The following CREB5 variants were observed in gnomAD, a reference collection of about 807,000 sequenced individuals.
The protein encoded by CREB5 is cAMP responsive element binding protein 5, also known as cyclic AMP-responsive element-binding protein 5.
A neutral mutation model predicts 57.1 loss-of-function variants in CREB5; 19 were observed. The observed-to-expected ratio is 0.33, with a 90% CI of 0.23 to 0.49. The LOEUF (loss-of-function observed/expected upper bound fraction) is 0.49, where lower values mean the gene tolerates loss of function less well. Among genes scored for constraint, CREB5 ranks in the 20% least tolerant of loss-of-function variants. The pLI is 0.99. For missense variants in CREB5, 579 were observed against 671.6 expected (o/e 0.86, Z 1.52); for synonymous variants, 238 against 238.3 (o/e 1.00, Z 0.01).
At chr7:28,553,484 T>C (rs1794750108) in intron 4 of CREB5, among the ~76,000 whole-genome samples, 2 of 152,118 alleles carry the variant, frequency 1.3e-5, no homozygotes, top group Non-Finnish European at 2.9e-5. Flanking sequence ...CAGGTTCCTG[T>C]TTATATGCAC....
chr7:28,591,370 T>C (rs567105025), intron 5 of CREB5, among the ~76,000 whole-genome samples: 6 of 152,314 alleles, frequency 3.9e-5, no homozygotes, highest in Admixed American at 1.3e-4. Context: ...ACAGGTTCAA[T>C]TGATTTTTTT....
chr7:28,664,553 T>C (rs1799737694), intron 5 of CREB5, among the ~76,000 whole-genome samples: 1 of 152,208 alleles, frequency 6.6e-6, no homozygotes, highest in African/African-American at 2.4e-5. Context: ...TTTTCCATCA[T>C]AGTTCCTGTG....
intron 1 of CREB5, among the ~76,000 whole-genome samples, chr7:28,445,608 GT>G (rs1165322706): frequency 2.0e-5 from 3 of 151,688 alleles, no homozygotes; most frequent in South Asian, 2.1e-4. Flanking sequence ...CTGGAGTGCA[GT>G]GGCGCGATCT....
At chr7:28,325,580 T>G (rs943588996) in intron 1 of CREB5, among the ~76,000 whole-genome samples, 1 of 152,188 alleles carries the variant, frequency 6.6e-6, no homozygotes, top group African/African-American at 2.4e-5. Context: ...CTTGTCAACA[T>G]CTCCATCTAT....
chr7:28,346,461 G>T (rs538907705), intron 1 of CREB5, among the ~76,000 whole-genome samples: 9 of 152,266 alleles, frequency 5.9e-5, no homozygotes, highest in Non-Finnish European at 1.2e-4. Context: ...ACTTCCCAAA[G>T]GTCCTGCCTC....
chr7:28,800,325 C>T (rs1291019218), intron 7 of CREB5, among the ~76,000 whole-genome samples: 2 of 151,508 alleles, frequency 1.3e-5, no homozygotes, highest in Non-Finnish European at 3.0e-5. Flanking sequence ...ACGCGAAGGC[C>T]CCATGTCTGG....
chr7:28,653,052 A>G (rs550935764), intron 5 of CREB5, among the ~76,000 whole-genome samples: 60 of 152,334 alleles, frequency 3.9e-4, no homozygotes, highest in African/African-American at 1.3e-3. Context: ...AAATTAGGAA[A>G]GTGAGTAACA....
chr7:28,736,582 T>A (rs1421757197), intron 7 of CREB5, among the ~76,000 whole-genome samples: 1 of 152,300 alleles, frequency 6.6e-6, no homozygotes, highest in East Asian at 1.9e-4. Flanking sequence ...CAGGGGACAG[T>A]GCCCAGGATC....
intron 1 of CREB5, among the ~76,000 whole-genome samples, chr7:28,470,244 G>A (rs766657491): frequency 1.2e-4 from 19 of 152,138 alleles, no homozygotes; most frequent in African/African-American, 3.4e-4. Flanking sequence ...CCAGCCTCTG[G>A]TAACCATCCT....
chr7:28,656,413 G>C (rs531150152), intron 5 of CREB5, among the ~76,000 whole-genome samples: 4 of 152,090 alleles, frequency 2.6e-5, no homozygotes, highest in South Asian at 4.2e-4. Flanking sequence ...TAATATCATG[G>C]AGTACAACAT....
chr7:28,367,366 A>G (rs921536862), intron 1 of CREB5, among the ~76,000 whole-genome samples: 1 of 152,212 alleles, frequency 6.6e-6, no homozygotes, highest in Non-Finnish European at 1.5e-5. Context: ...CTCCGGCACC[A>G]CATCCAACCA....
At chr7:28,758,774 A>G (rs972774463) in intron 7 of CREB5, among the ~76,000 whole-genome samples, 1 of 152,222 alleles carries the variant, frequency 6.6e-6, no homozygotes, top group African/African-American at 2.4e-5. Context: ...GTCGAGCACA[A>G]AGTCCCATGA....
intron 4 of CREB5, among the ~76,000 whole-genome samples, chr7:28,543,335 T>C (rs1318817867): frequency 6.6e-6 from 1 of 152,242 alleles, no homozygotes; most frequent in Non-Finnish European, 1.5e-5. Flanking sequence ...AATGTATTCA[T>C]ATACTAAAAC....
intron 1 of CREB5, among the ~76,000 whole-genome samples, chr7:28,469,837 CAA>C (rs1790736302): frequency 1.3e-5 from 2 of 152,082 alleles, no homozygotes; most frequent in Non-Finnish European, 2.9e-5. Flanking sequence ...GTGATTTATC[CAA>C]AGTCACACAG....
chr7:28,736,005 T>C (rs1163541197), intron 7 of CREB5, among the ~76,000 whole-genome samples: 1 of 151,804 alleles, frequency 6.6e-6, no homozygotes, highest in African/African-American at 2.4e-5. Context: ...GGTCTCGCGA[T>C]GTTGACCAGT....
At chr7:28,376,105 T>C (rs1054418918) in intron 1 of CREB5, among the ~76,000 whole-genome samples, 1 of 152,176 alleles carries the variant, frequency 6.6e-6, no homozygotes, top group South Asian at 2.1e-4. Context: ...ACTGATTGTT[T>C]ATTCAATTTT....
chr7:28,793,480 G>A (rs910469326), intron 7 of CREB5, among the ~76,000 whole-genome samples: 4 of 152,230 alleles, frequency 2.6e-5, no homozygotes, highest in Admixed American at 6.5e-5. Flanking sequence ...CTGGAGGGAA[G>A]CCAGATGACA....
chr7:28,650,352 C>A (rs1246007970), intron 5 of CREB5, among the ~76,000 whole-genome samples: 5 of 152,076 alleles, frequency 3.3e-5, no homozygotes, highest in Admixed American at 2.0e-4. Flanking sequence ...CCCAGCTGAT[C>A]TGCTTGGTTT....
chr7:28,445,719 T>C (rs546938164), intron 1 of CREB5, among the ~76,000 whole-genome samples: 1 of 151,912 alleles, frequency 6.6e-6, no homozygotes, highest in East Asian at 1.9e-4. Flanking sequence ...GCCTGGCTAA[T>C]TTTTTGTATT....
Sources: gnomAD v4.1 joint callset for allele counts (sites outside exome capture counted in the v4.1 genomes callset) on GRCh38, gnomAD v4.1.1 for gene constraint, MANE v1.5 for transcripts, NCBI Gene and HGNC (gene_info 2026-07-23, HGNC 2026-07-21) for gene names.